The following SLC16A10 variants were observed in gnomAD, a reference collection of about 807,000 sequenced individuals.
The protein encoded by SLC16A10 is solute carrier family 16 member 10, also known as monocarboxylate transporter 10.
Under a neutral mutation model 40.0 loss-of-function variants are expected in SLC16A10, and 27 were observed. The ratio of observed to expected loss-of-function variants is 0.67; its 90% confidence interval spans 0.50 to 0.93. The LOEUF is 0.93. SLC16A10 is among the 40% of genes least tolerant of loss of function. The pLI, the probability that SLC16A10 is intolerant of heterozygous loss-of-function variation, is 0.00. For missense variants in SLC16A10, 529 were observed against 658.2 expected (o/e 0.80, Z 2.15); for synonymous variants, 213 against 249.8 (o/e 0.85, Z 1.39).
intron 1 of SLC16A10, among the ~76,000 whole-genome samples, chr6:111,162,772 A>G (rs1425921736): frequency 6.6e-6 from 1 of 152,234 alleles, no homozygotes; most frequent in East Asian, 1.9e-4. Context: ...ATAGCTCAAC[A>G]TGAAAGTTTC....
intron 1 of SLC16A10, among the ~76,000 whole-genome samples, chr6:111,138,303 A>G (rs1464656843): frequency 6.6e-6 from 1 of 152,256 alleles, no homozygotes; most frequent in African/African-American, 2.4e-5. Context: ...AGAGAGATAC[A>G]AGATAAAGAA....
At position 111,177,199 on chromosome 6, in the gene SLC16A10, C is replaced by T. The variant is rs1451811342; in HGVS notation, c.489-13C>T. ...ATTGAAAGCTGCTTTCCATCTTTTTCATCTTTATACAGTTCCATCGAGCCT... is the reference window on the plus strand; with the variant it reads ...ATTGAAAGCTGCTTTCCATCTTTTTTATCTTTATACAGTTCCATCGAGCCT... On this transcript the variant is annotated splice_polypyrimidine_tract_variant and intron_variant, in intron 2 of 5. Coordinates refer to ENST00000368851, the MANE Select transcript of SLC16A10 (RefSeq NM_018593.5). The T allele has an allele frequency of 7.0e-7, 1 of 1,419,674 alleles. No homozygotes were observed. The highest frequency in any genetic ancestry group is 9.3e-7 in the Non-Finnish European group (1 of 1,078,642). 87.9% of individuals were successfully genotyped at this position (1,419,674 alleles called of 1,614,324 possible). A position where few individuals can be genotyped will look rare whatever the true frequency, so the allele number is the denominator to read the frequency against.
chr6:111,207,239 G>A (rs953252496), intron 4 of SLC16A10, among the ~76,000 whole-genome samples: 2 of 152,134 alleles, frequency 1.3e-5, no homozygotes, highest in Admixed American at 1.3e-4. Context: ...GTTTTGTCGT[G>A]GAACTCCACC....
intron 1 of SLC16A10, among the ~76,000 whole-genome samples, chr6:111,098,665 T>C (rs999249849): frequency 1.3e-5 from 2 of 152,248 alleles, no homozygotes; most frequent in African/African-American, 4.8e-5. Context: ...TTTTTATTAA[T>C]AAAAACCTTT....
At chr6:111,202,770 C>T (rs1773190408) in intron 3 of SLC16A10, among the ~76,000 whole-genome samples, 1 of 151,310 alleles carries the variant, frequency 6.6e-6, no homozygotes, top group Non-Finnish European at 1.5e-5. Flanking sequence ...ACCTGTAATC[C>T]CAGCTACTCA....
At chr6:111,189,544 A>T (rs1232595646) in intron 3 of SLC16A10, among the ~76,000 whole-genome samples, 1 of 152,164 alleles carries the variant, frequency 6.6e-6, no homozygotes, top group Non-Finnish European at 1.5e-5. Flanking sequence ...CTGTTTTCAC[A>T]CTGCTAATAA....
At chr6:111,214,036 T>C (rs1305476102) in intron 4 of SLC16A10, among the ~76,000 whole-genome samples, 1 of 152,198 alleles carries the variant, frequency 6.6e-6, no homozygotes, top group African/African-American at 2.4e-5. Context: ...AAACCTAAAC[T>C]GACATTTCTC....
At chr6:111,132,045 A>T (rs1281515008) in intron 1 of SLC16A10, among the ~76,000 whole-genome samples, 2 of 152,160 alleles carry the variant, frequency 1.3e-5, no homozygotes, top group Non-Finnish European at 2.9e-5. Context: ...TGTGTCCTTA[A>T]GCCCCTAGGC....
intron 1 of SLC16A10, among the ~76,000 whole-genome samples, chr6:111,104,928 A>T (rs1771255472): frequency 6.6e-6 from 1 of 152,010 alleles, no homozygotes; most frequent in African/African-American, 2.4e-5. Context: ...GAACTTCCTT[A>T]AAATGTCTTT....
intron 1 of SLC16A10, among the ~76,000 whole-genome samples, chr6:111,155,697 G>T (rs1403926662): frequency 1.3e-5 from 2 of 152,172 alleles, no homozygotes; most frequent in African/African-American, 4.8e-5. Flanking sequence ...AGAGTTGGAG[G>T]TGTATGTAAG....
rs1471014780 is a variant in SLC16A10 at position 111,088,102 on chromosome 6, C to G, written c.343+7C>G. 1.3e-6 allele frequency: 2 copies of G among 1,590,538 alleles called. No individual in the cohort carries two copies. Among genetic ancestry groups the G allele is most frequent in the Non-Finnish European group, 1.7e-6 (2 of 1,170,436 alleles). ...AAGATGGTCTTTAAGACAGGTGAGG[C>G]GCGGCGCCCGCCGAGGCCAGCCTGG... On this transcript the variant is annotated splice_region_variant and intron_variant, in intron 1 of 5. Coordinates refer to ENST00000368851, the MANE Select transcript of SLC16A10 (RefSeq NM_018593.5).
chr6:111,213,766 C>T (rs1436280362), intron 4 of SLC16A10, among the ~76,000 whole-genome samples: 1 of 152,232 alleles, frequency 6.6e-6, no homozygotes, highest in Non-Finnish European at 1.5e-5. Context: ...TTCGAAGTGA[C>T]ACTGGCCTCT....
chr6:111,098,766 A>G (rs1771122396), intron 1 of SLC16A10, among the ~76,000 whole-genome samples: 1 of 152,240 alleles, frequency 6.6e-6, no homozygotes, highest in Admixed American at 6.5e-5. Flanking sequence ...GTGGTTGTTT[A>G]AACAACGACA....
intron 3 of SLC16A10, among the ~76,000 whole-genome samples, chr6:111,200,012 T>C (rs1237490546): frequency 2.0e-5 from 3 of 152,156 alleles, no homozygotes; most frequent in African/African-American, 7.2e-5. Flanking sequence ...CTTTTTCATG[T>C]CTTAACAGTG....
At chr6:111,146,148 G>A (rs984886756) in intron 1 of SLC16A10, among the ~76,000 whole-genome samples, 2 of 152,130 alleles carry the variant, frequency 1.3e-5, no homozygotes, top group African/African-American at 4.8e-5. Context: ...ATGTTGAAAG[G>A]ATTTGAATAG....
At position 111,180,943 on chromosome 6, in the gene SLC16A10, G is replaced by A. The variant is rs764192482; in HGVS notation, c.942+3278G>A. 9.2e-5 allele frequency among the ~76,000 whole-genome samples: 14 copies of A among 152,274 alleles called. No individual in the cohort carries two copies. The South Asian group carries it at 1.5e-3, about 16-fold the overall frequency. ...AAAGTGAAGGTTCTGGGCCTGGTGC[G>A]GTGGCTCACCCCTGTAATCCCAGCA... On this transcript the variant is annotated intron_variant, in intron 3 of 5. Transcript: ENST00000368851.
intron 1 of SLC16A10, among the ~76,000 whole-genome samples, chr6:111,089,283 T>G (rs986080245): frequency 6.6e-6 from 1 of 152,238 alleles, no homozygotes; most frequent in Admixed American, 6.5e-5. Context: ...ATTCTGCAAC[T>G]TACTTTTCTT....
At chr6:111,137,936 A>G (rs191112475) in intron 1 of SLC16A10, among the ~76,000 whole-genome samples, 122 of 152,366 alleles carry the variant, frequency 8.0e-4, no homozygotes, top group Middle Eastern at 3.4e-3. Flanking sequence ...CCAATCATCT[A>G]TCACCTGAGA....
rs1771066273 is a variant in SLC16A10 at position 111,229,393 on chromosome 6, A to G, written c.*7158A>G. The G allele has an allele frequency of 6.6e-6, 1 of 152,248 alleles. No individual in the cohort carries two copies. The highest frequency in any genetic ancestry group is 1.5e-5 in the Non-Finnish European group (1 of 68,048). 9.4% of individuals were successfully genotyped at this position (152,248 alleles called of 1,614,324 possible). Reference sequence around the variant, plus strand: ...ACCAAATGAGAATGTTCTAATGAACACAACCTCCCAAGGTAATAATTTTAA... The same window carrying G: ...ACCAAATGAGAATGTTCTAATGAACGCAACCTCCCAAGGTAATAATTTTAA... On this transcript the variant is annotated 3_prime_UTR_variant, in exon 6 of 6. Coordinates refer to ENST00000368851, the MANE Select transcript of SLC16A10 (RefSeq NM_018593.5).
Sources: gnomAD v4.1 joint callset for allele counts (sites outside exome capture counted in the v4.1 genomes callset) on GRCh38, gnomAD v4.1.1 for gene constraint, MANE v1.5 for transcripts, NCBI Gene and HGNC (gene_info 2026-07-23, HGNC 2026-07-21) for gene names.